The following TP63 variants were observed in gnomAD, a reference collection of about 807,000 sequenced individuals.
TP63 encodes tumor protein p63, also known as tumor protein 63.
Under a neutral mutation model 82.8 loss-of-function variants are expected in TP63, and 17 were observed. The observed-to-expected ratio is 0.21, with a 90% CI of 0.14 to 0.31. TP63 has a LOEUF of 0.31. TP63 is among the 10% of genes least tolerant of loss of function. The probability of loss-of-function intolerance (pLI) is 1.00; values close to 1 mark genes in which losing one functional copy is unlikely to be tolerated. For synonymous variants in TP63, 330 were observed against 321.7 expected, an observed-to-expected ratio of 1.03 and a Z score of -0.28; for missense variants, 648 against 895.3, an observed-to-expected ratio of 0.72 and a Z score of 3.52.
intron 10 of TP63, chr3:189,881,426 C>G: frequency 1.0e-6 from 1 of 985,362 alleles, no homozygotes; most frequent in Non-Finnish European, 1.2e-6. Context: ...ACAATGATTT[C>G]TTGTTATTGA....
intron 3 of TP63, among the ~76,000 whole-genome samples, chr3:189,774,942 G>A (rs1311501647): frequency 3.3e-5 from 5 of 152,350 alleles, no homozygotes; most frequent in Middle Eastern, 3.4e-3. Context: ...TGACAGCCGG[G>A]CATGGTGGCT....
chr3:189,705,967 T>G (rs1260854566), intron 1 of TP63, among the ~76,000 whole-genome samples: 5 of 152,188 alleles, frequency 3.3e-5, no homozygotes, highest in Non-Finnish European at 7.3e-5. Context: ...TTGACCTGAT[T>G]TACAAATTAA....
chr3:189,891,221 A>G (rs1400091093), intron 13 of TP63, among the ~76,000 whole-genome samples: 3 of 152,212 alleles, frequency 2.0e-5, no homozygotes, highest in African/African-American at 7.2e-5. Flanking sequence ...GTGCTCATTA[A>G]TCTGTATCAG....
intron 4 of TP63, among the ~76,000 whole-genome samples, chr3:189,840,500 G>T (rs536737293): frequency 5.5e-4 from 80 of 145,896 alleles, no homozygotes; most frequent in African/African-American, 1.9e-3. Context: ...GACAGAGAGA[G>T]AGATGGGAGA....
chr3:189,597,410 T>C, the TP63 span, among the ~76,000 whole-genome samples: 2 of 122,488 alleles, frequency 1.6e-5, no homozygotes, highest in African/African-American at 5.4e-5. Context: ...TAAAGAGATA[T>C]GCTCAAACTC....
At chr3:189,873,766 C>G (rs888297535) in intron 10 of TP63, among the ~76,000 whole-genome samples, 1 of 152,032 alleles carries the variant, frequency 6.6e-6, no homozygotes, top group Non-Finnish European at 1.5e-5. Context: ...CCAATCAGGA[C>G]CTTGTTTATA....
At chr3:189,765,965 A>G (rs1354898770) in intron 3 of TP63, among the ~76,000 whole-genome samples, 1 of 152,180 alleles carries the variant, frequency 6.6e-6, no homozygotes, top group Non-Finnish European at 1.5e-5. Context: ...CTTGCTTCTG[A>G]ATTCTATGTT....
chr3:189,788,143 G>T (rs1724765631), intron 3 of TP63, among the ~76,000 whole-genome samples: 1 of 151,458 alleles, frequency 6.6e-6, no homozygotes, highest in Admixed American at 6.6e-5. Flanking sequence ...TAGAAAGAGA[G>T]ATCATTCTTC....
At chr3:189,652,680 C>T (rs1288890933) in intron 1 of TP63, among the ~76,000 whole-genome samples, 2 of 146,698 alleles carry the variant, frequency 1.4e-5, no homozygotes, top group Admixed American at 1.3e-4. Context: ...TGTCCCTACT[C>T]AAATGTCATC....
intron 3 of TP63, among the ~76,000 whole-genome samples, chr3:189,800,427 C>T (rs1726165102): frequency 6.6e-6 from 1 of 150,704 alleles, no homozygotes. Context: ...GCAATTATAC[C>T]CATTCTAACT....
chr3:189,851,117 T>C (rs1715570487), intron 4 of TP63, among the ~76,000 whole-genome samples: 1 of 152,386 alleles, frequency 6.6e-6, no homozygotes, highest in East Asian at 1.9e-4. Context: ...AAGAATTTTT[T>C]AATCTATTTT....
intron 1 of TP63, among the ~76,000 whole-genome samples, chr3:189,684,632 C>CTTT (rs11379017): frequency 9.5e-4 from 128 of 134,680 alleles, no homozygotes; most frequent in African/African-American, 3.4e-3. Flanking sequence ...TTCTTTCTTT[C>CTTT]TTTTTTTTTT....
intron 1 of TP63, among the ~76,000 whole-genome samples, chr3:189,724,614 C>T (rs934659023): frequency 2.0e-5 from 3 of 152,184 alleles, no homozygotes; most frequent in African/African-American, 7.2e-5. Context: ...CTTAGAATGA[C>T]ATTCTCTAAT....
At chr3:189,789,891 T>C in intron 3 of TP63, 1 of 1,488,708 alleles carries the variant, frequency 6.7e-7, no homozygotes, top group Non-Finnish European at 8.9e-7. Context: ...TTTTTAATTT[T>C]TATTTTTGTA....
intron 4 of TP63, among the ~76,000 whole-genome samples, chr3:189,826,705 T>G (rs1421224793): frequency 2.6e-5 from 4 of 152,258 alleles, no homozygotes; most frequent in Admixed American, 2.6e-4. Context: ...CCGAAACTGG[T>G]GTAACTAAGA....
chr3:189,857,297 C>A (rs189705188), intron 4 of TP63, among the ~76,000 whole-genome samples: 3 of 152,196 alleles, frequency 2.0e-5, no homozygotes, highest in African/African-American at 7.2e-5. Flanking sequence ...ATCTTTTCAA[C>A]AAATGGTGTT....
chr3:189,880,011 A>C, intron 10 of TP63: 11 of 1,598,310 alleles, frequency 6.9e-6, no homozygotes, highest in Non-Finnish European at 9.4e-6. Context: ...ATTGATTTGA[A>C]TAGATGAAGT....
At chr3:189,797,176 G>A (rs1292309656) in intron 3 of TP63, among the ~76,000 whole-genome samples, 1 of 152,086 alleles carries the variant, frequency 6.6e-6, no homozygotes, top group African/African-American at 2.4e-5. Context: ...TATAAAAGCT[G>A]AAAGAGGGAA....
At chr3:189,802,400 TAGAG>T (rs1726408993) in intron 3 of TP63, among the ~76,000 whole-genome samples, 1 of 152,216 alleles carries the variant, frequency 6.6e-6, no homozygotes, top group Admixed American at 6.5e-5. Context: ...GACATCTGTA[TAGAG>T]AGAGAACAGT....
Sources: gnomAD v4.1 joint callset for allele counts (sites outside exome capture counted in the v4.1 genomes callset) on GRCh38, gnomAD v4.1.1 for gene constraint, MANE v1.5 for transcripts, NCBI Gene and HGNC (gene_info 2026-07-23, HGNC 2026-07-21) for gene names.